The following PC variants were observed in gnomAD, a reference collection of about 807,000 sequenced individuals.
PC encodes pyruvate carboxylase, also known as pyruvate carboxylase, mitochondrial.
A neutral mutation model predicts 107.8 loss-of-function variants in PC; 46 were observed. The observed-to-expected ratio is 0.43, with a 90% CI of 0.34 to 0.55. The LOEUF is 0.55. Among genes scored for constraint, PC ranks in the 20% least tolerant of loss-of-function variants. PC has a pLI of 0.04. For missense variants in PC, 1,241 were observed against 1,643.1 expected, an observed-to-expected ratio of 0.76 and a Z score of 4.23; for synonymous variants, 662 against 684.7, an observed-to-expected ratio of 0.97 and a Z score of 0.52.
chr11:66,871,822 G>A lies in PC; in HGVS notation c.186C>T (p.Arg62=). 1 of 1,609,292 alleles carries A rather than the reference G, an allele frequency of 6.2e-7. No homozygotes were observed. Among genetic ancestry groups the A allele is most frequent in the Non-Finnish European group, 8.5e-7 (1 of 1,179,610 alleles). The change falls in exon 5 of 23, where the codon CGC becomes CGT. Residue 62 remains arginine, a synonymous_variant. Transcript: ENST00000393960. The surrounding 1 kb of genome is among the most constrained non-coding windows in gnomAD (Gnocchi z 7.4). ...VFRACTELGI[R]TVAIYSEQDT... ...CCTGCTCAGAGTAGATGGCTACGGT[G>A]CGGATGCCCAGCTCCGTGCAGGCCC...
chr11:66,870,174 C>A lies in PC; in HGVS notation c.903+128G>T. 1.7e-6 allele frequency: 2 copies of A among 1,174,984 alleles called. No homozygotes were observed. The allele number at this position is 1,174,984 out of a possible 1,614,324, so 72.8% of individuals were successfully genotyped here. A position where few individuals can be genotyped will look rare whatever the true frequency, so the allele number is the denominator to read the frequency against. The stretch of plus-strand genomic sequence containing the variant: ...TCTGGCCCCCAGGAGAGTCCTTCAC[C>A]CTCTTCTCCCCATCCCCAGTCCCCA... On this transcript the variant is annotated intron_variant, in intron 9 of 22. Transcript: ENST00000393960. This position sits in a 1 kb window ranked among gnomAD's most constrained non-coding sequence, Gnocchi z 6.1.
intron 3 of PC, among the ~76,000 whole-genome samples, chr11:66,909,262 G>A (rs553313554): frequency 3.9e-5 from 6 of 152,304 alleles, no homozygotes; most frequent in Non-Finnish European, 7.3e-5. Flanking sequence ...TGTGGGGCCA[G>A]AGCTGGAGGA....
At chr11:66,937,275 G>A (rs1446758299) in intron 3 of PC, among the ~76,000 whole-genome samples, 1 of 152,136 alleles carries the variant, frequency 6.6e-6, no homozygotes, top group African/African-American at 2.4e-5. Context: ...ACAGTTGAAG[G>A]TTTTGCCTTC....
In PC at chr11:66,852,591, C is replaced by T. The variant is rs773005705; in HGVS notation, c.1673G>A (p.Arg558Gln). 30 of 1,613,890 alleles carry T rather than the reference C, an allele frequency of 1.9e-5. No homozygotes were observed. The highest frequency in any genetic ancestry group is 2.5e-5 in the Non-Finnish European group (29 of 1,180,032). Residue 558 changes from arginine (R) to glutamine (Q), a missense_variant, in exon 15 of 23, where the codon CGG becomes CAG. Arg to Gln is a conservative substitution (Grantham distance 43). Around this residue, in one of 2 missense-constraint regions of PC, gnomAD observed 1,143 missense variants for 1,551.9 expected, o/e 0.74. Coordinates refer to ENST00000393960, the MANE Select transcript of PC (RefSeq NM_001040716.2). The surrounding 1 kb of genome is among the most constrained non-coding windows in gnomAD (Gnocchi z 4.7). ...CATCAGCAGCAGCCCCGGGTGGTTC[C>T]GCACAGCTCGAGCAAAGCCCTCAGG... ...EGPEGFARAV[R>Q]NHPGLLLMDT...
intron 3 of PC, among the ~76,000 whole-genome samples, chr11:66,876,796 G>C (rs879378650): frequency 6.6e-6 from 1 of 152,190 alleles, no homozygotes; most frequent in Non-Finnish European, 1.5e-5. Context: ...TCTGCTGAGC[G>C]CTGGGAAAGG....
rs201776268 is a variant in PC at position 66,853,375 on chromosome 11, G to A, written c.1377C>T (p.Ile459=). 2.3e-5 allele frequency: 37 copies of A among 1,611,238 alleles called. No individual in the cohort carries two copies. Among genetic ancestry groups the A allele is most frequent in the Non-Finnish European group, 2.9e-5 (34 of 1,178,314 alleles). The part of the protein sequence containing the change: ...EFRVRGVKTN[I]AFLQNVLNNQ... ...TGTTGAGCACATTCTGCAGGAAGGCGATGTTGGTCTGCAGGACAGAGGCGG... is the reference window on the plus strand; with the variant it reads ...TGTTGAGCACATTCTGCAGGAAGGCAATGTTGGTCTGCAGGACAGAGGCGG... Residue 459 remains isoleucine (I), a synonymous_variant, in exon 13 of 23, where the codon ATC becomes ATT. Transcript: ENST00000393960.
At chr11:66,850,584 A>T in intron 18 of PC, 90 bp downstream of exon 18, 2 of 1,600,428 alleles carry the variant, frequency 1.2e-6, no homozygotes, top group Non-Finnish European at 8.5e-7. Flanking sequence ...AGAGCAGGGC[A>T]TCTGGATCCT....
intron 3 of PC, among the ~76,000 whole-genome samples, chr11:66,897,496 C>T (rs7952232): frequency 0.062 from 9,422 of 152,176 alleles, 311 homozygotes; most frequent in African/African-American, 0.071. Flanking sequence ...TGCTTAAACC[C>T]GGGAGGCAGA....
chr11:66,950,794 C>T (rs1185295466), intron 3 of PC, among the ~76,000 whole-genome samples: 1 of 152,166 alleles, frequency 6.6e-6, no homozygotes, highest in Non-Finnish European at 1.5e-5. Flanking sequence ...AAGCAGCCTT[C>T]TCTAGGCTTC....
chr11:66,892,666 G>A (rs1170818448), intron 3 of PC, among the ~76,000 whole-genome samples: 2 of 152,138 alleles, frequency 1.3e-5, no homozygotes, highest in Non-Finnish European at 2.9e-5. Context: ...CCAAGATGGT[G>A]AAACCCCGTC....
At chr11:66,880,436 T>C (rs1452262299) in intron 3 of PC, among the ~76,000 whole-genome samples, 1 of 152,146 alleles carries the variant, frequency 6.6e-6, no homozygotes, top group Non-Finnish European at 1.5e-5. Flanking sequence ...ACTTGGGGTA[T>C]AGAAGAAGGA....
At chr11:66,951,752 T>C (rs1399862760) in intron 3 of PC, among the ~76,000 whole-genome samples, 1 of 152,028 alleles carries the variant, frequency 6.6e-6, no homozygotes, top group Non-Finnish European at 1.5e-5. Context: ...TAGCTGGGCA[T>C]GGCAGCACAC....
rs1173482148 is a variant in PC at position 66,857,634 on chromosome 11, C to G, written c.1369-4251G>C. The G allele has an allele frequency of 7.9e-7, 1 of 1,272,070 alleles. No individual in the cohort carries two copies. Among genetic ancestry groups the G allele is most frequent in the Non-Finnish European group, 1.1e-6 (1 of 948,090 alleles). The allele number at this position is 1,272,070 out of a possible 1,614,324, so 78.8% of individuals were successfully genotyped here. On this transcript the variant is annotated intron_variant, in intron 12 of 22. Transcript: ENST00000393960. The surrounding 1 kb of genome is among the most constrained non-coding windows in gnomAD (Gnocchi z 7.1). ...CTTGGGCCTCTGACCCAGCCCCTCCCCGGGCCAGGCTCACAGAAGCTGGCT... is the reference window on the plus strand; with the variant it reads ...CTTGGGCCTCTGACCCAGCCCCTCCGCGGGCCAGGCTCACAGAAGCTGGCT...
At chr11:66,873,817 G>C (rs1946875759) in intron 3 of PC, among the ~76,000 whole-genome samples, 1 of 151,596 alleles carries the variant, frequency 6.6e-6, no homozygotes, top group Non-Finnish European at 1.5e-5. Flanking sequence ...GCCCAGGCTG[G>C]AGTGCAATGG....
Position 66,858,516 on chromosome 11 carries a change from G to T in PC, c.1369-5133C>A. Reference sequence around the variant, plus strand: ...GCGGCCGGACGACCTGGAAACGTGCGCCTCCCCGCCCGGCCTGGCCGGCCG... The same window carrying T: ...GCGGCCGGACGACCTGGAAACGTGCTCCTCCCCGCCCGGCCTGGCCGGCCG... On this transcript the variant is annotated intron_variant, in intron 12 of 22. Transcript: ENST00000393960. This position sits in a 1 kb window ranked among gnomAD's most constrained non-coding sequence, Gnocchi z 5.9. 6.5e-7 allele frequency: 1 copy of T among 1,534,986 alleles called. No individual in the cohort carries two copies. Among genetic ancestry groups the T allele is most frequent in the Non-Finnish European group, 8.7e-7 (1 of 1,146,048 alleles).
chr11:66,936,839 CT>C (rs1046102213), intron 3 of PC, among the ~76,000 whole-genome samples: 6 of 149,060 alleles, frequency 4.0e-5, no homozygotes, highest in South Asian at 2.1e-4. Context: ...GATAGGTCTT[CT>C]TTTTTTTTTA....
At chr11:66,932,816 A>G (rs749866670) in intron 3 of PC, among the ~76,000 whole-genome samples, 2 of 152,188 alleles carry the variant, frequency 1.3e-5, no homozygotes, top group African/African-American at 4.8e-5. Flanking sequence ...TTTAGTCTCA[A>G]TTATGTCCCC....
At chr11:66,926,872 A>G (rs1252753502) in intron 3 of PC, among the ~76,000 whole-genome samples, 1 of 151,968 alleles carries the variant, frequency 6.6e-6, no homozygotes, top group Non-Finnish European at 1.5e-5. Context: ...TCCATGTCGT[A>G]GCATGTGTCA....
rs569516898 is a variant in PC at position 66,942,262 on chromosome 11, T to C, written c.-1+10168A>G. On this transcript the variant is annotated intron_variant, in intron 3 of 22. Transcript: ENST00000393960. Reference sequence around the variant, plus strand: ...ATATACAAAAAAAATTAGCTGGGCATGGTGGCAGGCGCCTGTAGTCCCAGC... The same window carrying C: ...ATATACAAAAAAAATTAGCTGGGCACGGTGGCAGGCGCCTGTAGTCCCAGC... 5.1e-4 allele frequency among the ~76,000 whole-genome samples: 77 copies of C among 151,284 alleles called. 1 individual carries two copies. In the South Asian group the frequency reaches 9.4e-3, roughly 18 times the overall value.
Sources: gnomAD v4.1 joint callset for allele counts (sites outside exome capture counted in the v4.1 genomes callset) on GRCh38, gnomAD v4.1.1 for gene constraint, gnomAD v4.1.1 regional missense constraint, Gnocchi (gnomAD v3.1) non-coding constraint, MANE v1.5 for transcripts, NCBI Gene and HGNC (gene_info 2026-07-23, HGNC 2026-07-21) for gene names.